FLT1: variants seen among roughly 807,000 people sequenced by gnomAD.
The protein encoded by FLT1 is vascular endothelial growth factor receptor 1.
FLT1 carries 49 observed loss-of-function variants against 156.3 expected under a neutral mutation model. The observed-to-expected ratio is 0.31, with a 90% CI of 0.25 to 0.40. The LOEUF is 0.40. Among genes scored for constraint, FLT1 ranks in the 10% least tolerant of loss-of-function variants. The probability of loss-of-function intolerance (pLI) is 1.00; values close to 1 mark genes in which losing one functional copy is unlikely to be tolerated. For synonymous variants in FLT1, 594 were observed against 583.8 expected, an observed-to-expected ratio of 1.02 and a Z score of -0.25; for missense variants, 1,322 against 1,637.2, an observed-to-expected ratio of 0.81 and a Z score of 3.32.
chr13:28,431,469 A>C (rs555179242), intron 6 of FLT1, among the ~76,000 whole-genome samples, 159 bp from the exon 7 acceptor site: 3 of 152,216 alleles, frequency 2.0e-5, no homozygotes, highest in African/African-American at 7.2e-5. Flanking sequence ...TGGAAACTAC[A>C]TCTGTGTCTA....
chr13:28,399,179 T>G, intron 11 of FLT1: 1 of 1,224,052 alleles, frequency 8.2e-7, no homozygotes, highest in South Asian at 1.4e-5. Flanking sequence ...CTCAGGAAGC[T>G]TAGACCCTTC....
At chr13:28,310,493 C>T (rs570566066) in intron 27 of FLT1, among the ~76,000 whole-genome samples, 9 of 152,232 alleles carry the variant, frequency 5.9e-5, no homozygotes, top group East Asian at 5.8e-4. Flanking sequence ...CTGCTCTGGG[C>T]GTAAGAGGAG....
At chr13:28,485,694 C>T (rs896653953) in intron 1 of FLT1, among the ~76,000 whole-genome samples, 2 of 152,172 alleles carry the variant, frequency 1.3e-5, no homozygotes, top group African/African-American at 2.4e-5. Flanking sequence ...CTGAGCTGGG[C>T]TTGCTTTGAC....
intron 1 of FLT1, among the ~76,000 whole-genome samples, chr13:28,473,815 A>G (rs368839962): frequency 3.3e-4 from 43 of 128,932 alleles, no homozygotes; most frequent in African/African-American, 8.2e-4. Context: ...AGAAAGAAAG[A>G]AAGAAAGAAA....
chr13:28,437,912 C>T (rs981712101), intron 4 of FLT1, among the ~76,000 whole-genome samples: 13 of 152,238 alleles, frequency 8.5e-5, no homozygotes, highest in Non-Finnish European at 2.9e-5. Flanking sequence ...TTTGTGTAAG[C>T]AGCAGAATTG....
intron 14 of FLT1, among the ~76,000 whole-genome samples, chr13:28,362,209 A>C (rs115462148): frequency 1.5e-3 from 234 of 152,344 alleles, no homozygotes; most frequent in African/African-American, 5.2e-3. Context: ...AAAAAATGAC[A>C]GCTCTTCCCC....
chr13:28,404,007 A>G (rs1339462067), intron 11 of FLT1, among the ~76,000 whole-genome samples: 5 of 151,036 alleles, frequency 3.3e-5, no homozygotes, highest in African/African-American at 1.2e-4. Context: ...GGGCCACTGC[A>G]CTCCAGCCTG....
chr13:28,316,886 G>T (rs1399705678), intron 25 of FLT1, among the ~76,000 whole-genome samples: 1 of 152,132 alleles, frequency 6.6e-6, no homozygotes, highest in African/African-American at 2.4e-5. Flanking sequence ...GCCTCCCAAA[G>T]TGCTGGGATT....
chr13:28,473,370 C>T (rs548388519), intron 1 of FLT1, among the ~76,000 whole-genome samples: 34 of 151,918 alleles, frequency 2.2e-4, no homozygotes, highest in South Asian at 6.2e-4. Flanking sequence ...CCAGGCCCAG[C>T]GCAGTGGCTC....
intron 1 of FLT1, among the ~76,000 whole-genome samples, chr13:28,479,290 T>C (rs1319492950): frequency 6.6e-6 from 1 of 152,250 alleles, no homozygotes; most frequent in African/African-American, 2.4e-5. Context: ...GATGATTGTG[T>C]TTTCTATTGT....
At chr13:28,319,594 G>C in intron 23 of FLT1, 60 bp from the exon 24 acceptor site, 1 of 950,922 alleles carries the variant, frequency 1.1e-6, no homozygotes, top group Non-Finnish European at 1.7e-6. Flanking sequence ...CATTCAACCC[G>C]AGTGTCCATG....
chr13:28,405,805 A>T lies in FLT1; in HGVS notation c.1526T>A (p.Met509Lys), dbSNP rs1383358551. 1 of 1,598,436 alleles carries T rather than the reference A, an allele frequency of 6.3e-7. No homozygotes were observed. Among genetic ancestry groups the T allele is most frequent in the Non-Finnish European group, 8.6e-7 (1 of 1,166,212 alleles). Reference protein sequence around the residue: ...GNRIESITQRMAIIEGKNKMA... With the variant: ...GNRIESITQRKAIIEGKNKMA... ...CTTATTCTTTCCTTCTATTATTGCC[A>T]TGCGCTGAGTGATGCTCTCAATTCT... is the stretch of plus-strand genomic sequence containing the variant. Residue 509 changes from methionine to lysine, a missense_variant, in exon 11 of 30, where the codon ATG becomes AAG. Physicochemically the swap from Met to Lys is moderately conservative, Grantham distance 95. Transcript: ENST00000282397.
Position 28,302,323 on chromosome 13 carries a change from G to C in FLT1, c.*844C>G, listed in dbSNP as rs1169949699. Reference sequence around the variant, plus strand: ...CAACCTAACTCTGGCTAAGTTTTCAGTGCATCTTACTAGAGGAGCCAAAAG... The same window carrying C: ...CAACCTAACTCTGGCTAAGTTTTCACTGCATCTTACTAGAGGAGCCAAAAG... On this transcript the variant is annotated 3_prime_UTR_variant, in exon 30 of 30. Coordinates refer to ENST00000282397, the MANE Select transcript of FLT1 (RefSeq NM_002019.4). 4.3e-6 allele frequency: 1 copy of C among 233,196 alleles called. No individual in the cohort carries two copies. The highest frequency in any genetic ancestry group is 6.0e-5 in the East Asian group (1 of 16,598). 14.4% of individuals were successfully genotyped at this position (233,196 alleles called of 1,614,324 possible).
At chr13:28,368,599 CGATGATGAT>C in intron 14 of FLT1, 1 of 1,432,884 alleles carries the variant, frequency 7.0e-7, no homozygotes, top group Non-Finnish European at 9.6e-7. Context: ...ATGATGATGA[CGATGATGAT>C]GATGATGACA....
rs541586644 is a variant in FLT1, at chr13:28,476,941, C to T, written c.65-9324G>A. On this transcript the variant is annotated intron_variant, in intron 1 of 29. Coordinates refer to ENST00000282397, the MANE Select transcript of FLT1 (RefSeq NM_002019.4). ...GCACAAAAGACATCACAGTGTTAGC[C>T]ACTGAAGTGGCCAAAGTCTAAAATC... Among the ~76,000 whole-genome samples the T allele has an allele frequency of 3.3e-5, 5 of 152,262 alleles. No individual in the cohort carries two copies. The East Asian group carries it at 9.6e-4, about 29-fold the overall frequency.
intron 3 of FLT1, among the ~76,000 whole-genome samples, chr13:28,444,128 T>C (rs1316018514): frequency 6.6e-6 from 1 of 152,070 alleles, no homozygotes; most frequent in Admixed American, 6.6e-5. Flanking sequence ...CAGGTGAAGA[T>C]TTCAATACCC....
chr13:28,478,816 A>C (rs1251382847), intron 1 of FLT1, among the ~76,000 whole-genome samples: 1 of 152,268 alleles, frequency 6.6e-6, no homozygotes, highest in East Asian at 1.9e-4. Context: ...TTAGCACTGT[A>C]GCTGTTCATG....
chr13:28,481,705 T>C (rs1236259952), intron 1 of FLT1, among the ~76,000 whole-genome samples: 1 of 152,222 alleles, frequency 6.6e-6, no homozygotes, highest in Non-Finnish European at 1.5e-5. Context: ...TTAGGGGCTG[T>C]CATTTAGAAG....
intron 14 of FLT1, among the ~76,000 whole-genome samples, chr13:28,368,904 C>A (rs1873426561): frequency 6.6e-6 from 1 of 151,816 alleles, no homozygotes; most frequent in Non-Finnish European, 1.5e-5. Context: ...GGGGTTTCAC[C>A]ACGTTGGCCA....
Sources: gnomAD v4.1 joint callset for allele counts (sites outside exome capture counted in the v4.1 genomes callset) on GRCh38, gnomAD v4.1.1 for gene constraint, MANE v1.5 for transcripts, NCBI Gene and HGNC (gene_info 2026-07-23, HGNC 2026-07-21) for gene names.